Variants in DDX56 observed in about 807,000 individuals in gnomAD.
DDX56 encodes DEAD-box helicase 56.
A neutral mutation model predicts 61.5 loss-of-function variants in DDX56; 45 were observed. The ratio of observed to expected loss-of-function variants is 0.73; its 90% CI spans 0.58 to 0.94. The LOEUF is 0.94. Ranked by LOEUF, DDX56 falls within the 40% of genes least tolerant of loss-of-function variation. The probability of loss-of-function intolerance (pLI) is 0.00; values close to 1 mark genes in which losing one functional copy is unlikely to be tolerated. For missense variants in DDX56, 708 were observed against 690.7 expected, an observed-to-expected ratio of 1.02 and a Z score of -0.28; for synonymous variants, 273 against 268.3, an observed-to-expected ratio of 1.02 and a Z score of -0.17.
rs373225995 is a variant in DDX56, at chr7:44,566,054, C to T, written c.1592G>A (p.Arg531His). 3.4e-5 allele frequency: 55 copies of T among 1,612,452 alleles called. No individual in the cohort carries two copies. The highest frequency in any genetic ancestry group is 1.4e-4 in the South Asian group (13 of 90,798). The change falls in exon 14 of 14, where the codon CGC becomes CAC. Residue 531 changes from arginine (R) to histidine (H), a missense_variant. Coordinates refer to ENST00000258772, the MANE Select transcript of DDX56 (RefSeq NM_019082.4). ...TTTCTTTCCTTTGTGCTTGAAGCTG[C>T]GCAGTGGGTTCTGGGACTTTGCTCT... ...AKRAKSQNPL[R>H]SFKHKGKKFR...
At position 44,568,170 on chromosome 7, in the gene DDX56, AG is replaced by A; in HGVS notation, c.1436del (p.Pro479LeufsTer7). 6.2e-7 allele frequency: 1 copy of A among 1,614,082 alleles called. No individual in the cohort carries two copies. The highest frequency in any genetic ancestry group is 8.5e-7 in the Non-Finnish European group (1 of 1,179,950). The part of the protein sequence containing the change: ...RDLQLLRHDL[P>X]LHPAVVKPHL... ...GGGGCTTCACCACTGCGGGGTGCAA[AG>A]GTAGGTCATGCCGCAGCAGCTGGAG... On this transcript the variant is annotated frameshift_variant, in exon 12 of 14. Transcript: ENST00000258772. LOFTEE classifies it high-confidence loss of function.
chr7:44,572,274 C>T, intron 5 of DDX56, 73 bp downstream of exon 5: 1 of 1,303,378 alleles, frequency 7.7e-7, no homozygotes, highest in Non-Finnish European at 1.1e-6. Context: ...CAAAGAATCC[C>T]CTAAGAAGGA....
At position 44,570,063 on chromosome 7, in the gene DDX56, T is replaced by C. The variant is rs769867474; in HGVS notation, c.1076A>G (p.Asn359Ser). 3.1e-6 allele frequency: 5 copies of C among 1,614,074 alleles called. No individual in the cohort carries two copies. Among genetic ancestry groups the C allele is most frequent in the Non-Finnish European group, 4.2e-6 (5 of 1,180,006 alleles). Reference protein sequence around the residue: ...IDFHHVSAVLNFDLPPTPEAY... With the variant: ...IDFHHVSAVLSFDLPPTPEAY... ...CTCAGGGGTTGGGGGAAGATCAAAG[T>C]TGAGCACAGCAGACACATGGTGGAA... The change falls in exon 8 of 14, where the codon AAC (asparagine) becomes AGC (serine). Residue 359 changes from asparagine (N) to serine (S), a missense_variant. Coordinates refer to ENST00000258772, the MANE Select transcript of DDX56 (RefSeq NM_019082.4).
chr7:44,567,771 GC>G (rs1802579286), intron 12 of DDX56: 1 of 358,720 alleles, frequency 2.8e-6, no homozygotes, highest in African/African-American at 2.1e-5. Context: ...TCTGCCTCCT[GC>G]CCGTGACTCT....
rs1445966450 is a variant in DDX56, at chr7:44,568,897, A to C, written c.1383+6T>G. 6.2e-7 allele frequency: 1 copy of C among 1,611,114 alleles called. No homozygotes were observed. Among genetic ancestry groups the C allele is most frequent in the Non-Finnish European group, 8.5e-7 (1 of 1,177,724 alleles). ...TCTATCCCCTTCTCACCTCCCATCC[A>C]CTCACCTTAAGCTTCTCAGAATGCA... On this transcript the variant is annotated splice_donor_region_variant and intron_variant, in intron 11 of 13. Transcript: ENST00000258772.
chr7:44,566,390 G>T, intron 13 of DDX56, 58 bp downstream of exon 13: 1 of 1,419,724 alleles, frequency 7.0e-7, no homozygotes, highest in South Asian at 1.2e-5. Flanking sequence ...TTCTGGTGAT[G>T]ACAAAAGAGC....
At chr7:44,570,215 G>A (rs1802638066) in intron 7 of DDX56, 87 bp from the exon 8 acceptor site, 1 of 1,502,320 alleles carries the variant, frequency 6.7e-7, no homozygotes, top group Non-Finnish European at 9.0e-7. Flanking sequence ...TCCTCTAAAT[G>A]CCTGTAGATC....
chr7:44,568,878 C>T (rs1213313937), intron 11 of DDX56, 25 bp downstream of exon 11: 1 of 1,584,300 alleles, frequency 6.3e-7, no homozygotes, highest in Admixed American at 1.7e-5. Flanking sequence ...AAGATCTATC[C>T]CCTTCTCACC....
chr7:44,568,043 G>A, intron 12 of DDX56, 75 bp downstream of exon 12: 1 of 1,213,584 alleles, frequency 8.2e-7, no homozygotes, highest in Non-Finnish European at 1.2e-6. Flanking sequence ...CCAAGCACAG[G>A]GGCTGACCCA....
intron 12 of DDX56, among the ~76,000 whole-genome samples, chr7:44,567,321 G>A (rs574859681): frequency 6.6e-6 from 1 of 152,288 alleles, no homozygotes; most frequent in South Asian, 2.1e-4. Context: ...CCCGCTGGGT[G>A]GCTGCAGGTC....
chr7:44,573,240 A>G (rs1445755028), intron 2 of DDX56, among the ~76,000 whole-genome samples, 190 bp from the exon 3 acceptor site: 2 of 152,254 alleles, frequency 1.3e-5, no homozygotes, highest in Non-Finnish European at 2.9e-5. Context: ...CTCAAAAAGA[A>G]TAACGTACTC....
chr7:44,569,197 CT>C lies in DDX56; in HGVS notation c.1225del (p.Arg409GlyfsTer29). The C allele has an allele frequency of 6.2e-7, 1 of 1,613,834 alleles. No homozygotes were observed. The highest frequency in any genetic ancestry group is 1.7e-5 in the Admixed American group (1 of 60,024). ...CTGGTAGGGGAGCAGAATGGGGCCCCTGTTCTCTGTGGAGAAGAAAGCAGCG... is the reference window on the plus strand; with the variant it reads ...CTGGTAGGGGAGCAGAATGGGGCCCCGTTCTCTGTGGAGAAGAAAGCAGCG... ...KIEELLSGEN[R>X]GPILLPYQFR... On this transcript the variant is annotated frameshift_variant, in exon 10 of 14. Coordinates refer to ENST00000258772, the MANE Select transcript of DDX56 (RefSeq NM_019082.4). LOFTEE classifies it high-confidence loss of function.
At chr7:44,566,302 G>A (rs1206083155) in intron 13 of DDX56, 146 bp downstream of exon 13, 5 of 819,438 alleles carry the variant, frequency 6.1e-6, no homozygotes, top group Non-Finnish European at 1.0e-5. Flanking sequence ...AGATTTTTGG[G>A]GCCCGGTTCT....
At position 44,573,906 on chromosome 7, in the gene DDX56, A is replaced by C; in HGVS notation, c.-11T>G. 6.2e-7 allele frequency: 1 copy of C among 1,612,832 alleles called. No individual in the cohort carries two copies. The highest frequency in any genetic ancestry group is 8.5e-7 in the Non-Finnish European group (1 of 1,179,840). ...TTCAGAGTCCTCCATGGCGCTGCTC[A>C]GTAGCGCAGCACGCACGCGCTGCAG... On this transcript the variant is annotated 5_prime_UTR_variant, in exon 1 of 14. Transcript: ENST00000258772.
chr7:44,567,463 T>C (rs945297343), intron 12 of DDX56, among the ~76,000 whole-genome samples: 1 of 152,162 alleles, frequency 6.6e-6, no homozygotes, highest in African/African-American at 2.4e-5. Flanking sequence ...AAACACCTCC[T>C]ATGAGACACT....
In DDX56 at chr7:44,570,050, G is replaced by A. The variant is rs1235271081; in HGVS notation, c.1089C>T (p.Pro363=). The change falls in exon 8 of 14, where the codon CCC becomes CCT. Residue 363 remains proline (P), a synonymous_variant. Coordinates refer to ENST00000258772, the MANE Select transcript of DDX56 (RefSeq NM_019082.4). ...HVSAVLNFDL[P]PTPEAYIHRA... ...GATGGATGTAGGCCTCAGGGGTTGG[G>A]GGAAGATCAAAGTTGAGCACAGCAG... The A allele has an allele frequency of 6.2e-7, 1 of 1,614,168 alleles. No homozygotes were observed. Among genetic ancestry groups the A allele is most frequent in the South Asian group, 1.1e-5 (1 of 91,070 alleles).
chr7:44,566,484 C>A lies in DDX56; in HGVS notation c.1530G>T (p.Lys510Asn). Residue 510 changes from lysine to asparagine, a missense_variant, in exon 13 of 14, where the codon AAG becomes AAT. Lys to Asn is a moderately conservative substitution (Grantham distance 94). Coordinates refer to ENST00000258772, the MANE Select transcript of DDX56 (RefSeq NM_019082.4). ...ALRGLVRPHK[K>N]RKKLSSSCRK... ...TACAAGAGGAAGACAGCTTCTTCCGCTTCTTGTGAGGGCGCACCAGGCCAC... is the reference window on the plus strand; with the variant it reads ...TACAAGAGGAAGACAGCTTCTTCCGATTCTTGTGAGGGCGCACCAGGCCAC... The A allele has an allele frequency of 6.4e-7, 1 of 1,566,722 alleles. No individual in the cohort carries two copies. The highest frequency in any genetic ancestry group is 8.7e-7 in the Non-Finnish European group (1 of 1,155,024).
At chr7:44,573,292 T>C (rs1475404765) in intron 2 of DDX56, among the ~76,000 whole-genome samples, 1 of 152,258 alleles carries the variant, frequency 6.6e-6, no homozygotes, top group African/African-American at 2.4e-5. Context: ...GTTATGAAGC[T>C]AAATTCTCAC....
At chr7:44,569,740 T>C in intron 9 of DDX56, 69 bp downstream of exon 9, 5 of 1,341,332 alleles carry the variant, frequency 3.7e-6, no homozygotes, top group Admixed American at 3.9e-5. Context: ...GTCATCATTA[T>C]CATGGAGTTT....
Sources: gnomAD v4.1 joint callset for allele counts (sites outside exome capture counted in the v4.1 genomes callset) on GRCh38, gnomAD v4.1.1 for gene constraint, MANE v1.5 for transcripts, NCBI Gene and HGNC (gene_info 2026-07-23, HGNC 2026-07-21) for gene names.